The following CORIN variants were observed in gnomAD, a reference collection of about 807,000 sequenced individuals.
CORIN encodes corin, serine peptidase, also known as atrial natriuretic peptide-converting enzyme.
A neutral mutation model predicts 125.3 loss-of-function variants in CORIN; 117 were observed. That is an observed-to-expected ratio of 0.93 (90% CI 0.80 to 1.09). The LOEUF (loss-of-function observed/expected upper bound fraction) is 1.09, where lower values mean the gene tolerates loss of function less well. CORIN is among the 50% of genes least tolerant of loss of function. The probability of loss-of-function intolerance (pLI) is 0.00; values close to 1 mark genes in which losing one functional copy is unlikely to be tolerated. For synonymous variants in CORIN, 450 were observed against 466.4 expected (o/e 0.96, Z 0.45); for missense variants, 1,253 against 1,306.7 (o/e 0.96, Z 0.63).
chr4:47,754,846 A>T (rs1484409874), intron 4 of CORIN, among the ~76,000 whole-genome samples: 1 of 152,220 alleles, frequency 6.6e-6, no homozygotes, highest in Non-Finnish European at 1.5e-5. Flanking sequence ...TTAGGTGGCC[A>T]GTTGTTGCTA....
At chr4:47,627,625 G>T (rs532521299) in intron 16 of CORIN, among the ~76,000 whole-genome samples, 3 of 152,168 alleles carry the variant, frequency 2.0e-5, no homozygotes, top group African/African-American at 7.2e-5. Flanking sequence ...AATGAATCCG[G>T]CTCTCCATCA....
At chr4:47,661,687 G>A (rs1724254260) in intron 12 of CORIN, 24 bp downstream of exon 12, 1 of 1,590,474 alleles carries the variant, frequency 6.3e-7, no homozygotes, top group African/African-American at 1.3e-5. Flanking sequence ...TAGATACCCT[G>A]CTGTAATTAA....
intron 5 of CORIN, among the ~76,000 whole-genome samples, chr4:47,694,395 A>T (rs1205333470): frequency 2.0e-5 from 3 of 151,966 alleles, no homozygotes; most frequent in Non-Finnish European, 4.4e-5. Flanking sequence ...AGTTTCAGAT[A>T]AAAAAAAGTT....
At chr4:47,684,551 G>C (rs1725427379) in intron 6 of CORIN, among the ~76,000 whole-genome samples, 2 of 152,180 alleles carry the variant, frequency 1.3e-5, no homozygotes, top group Admixed American at 1.3e-4. Context: ...GTTATTGTTA[G>C]TTCAAGTCTA....
chr4:47,783,010 G>C (rs1383160754), intron 3 of CORIN, among the ~76,000 whole-genome samples: 1 of 151,890 alleles, frequency 6.6e-6, no homozygotes, highest in Non-Finnish European at 1.5e-5. Flanking sequence ...GGTTATCAAA[G>C]ATGTGATAAG....
intron 21 of CORIN, among the ~76,000 whole-genome samples, chr4:47,596,308 C>T (rs944388368): frequency 6.6e-6 from 1 of 151,964 alleles, no homozygotes; most frequent in South Asian, 2.1e-4. Flanking sequence ...AGATCCCCCC[C>T]ACACACAGTA....
In CORIN at chr4:47,680,230, T is replaced by C. The variant is rs1399284203; in HGVS notation, c.1043A>G (p.His348Arg). 7 of 1,613,824 alleles carry C rather than the reference T, an allele frequency of 4.3e-6. No homozygotes were observed. Among genetic ancestry groups the C allele is most frequent in the Non-Finnish European group, 5.9e-6 (7 of 1,179,786 alleles). Residue 348 changes from histidine to arginine, a missense_variant, in exon 8 of 22, where the codon CAT becomes CGT. His to Arg is a conservative substitution (Grantham distance 29). Coordinates refer to ENST00000273857, the MANE Select transcript of CORIN (RefSeq NM_006587.4). ...GATGCAGCGCCCGTCCCCGCAGCGATGCTCTGTTGTGGGATTGCAATCTGG... is the reference window on the plus strand; with the variant it reads ...GATGCAGCGCCCGTCCCCGCAGCGACGCTCTGTTGTGGGATTGCAATCTGG... ...QNCDCNPTTE[H>R]RCGDGRCIAM...
At chr4:47,834,097 A>T (rs958868572) in intron 1 of CORIN, among the ~76,000 whole-genome samples, 1 of 152,208 alleles carries the variant, frequency 6.6e-6, no homozygotes, top group African/African-American at 2.4e-5. Flanking sequence ...GTAACCAAAG[A>T]ATTTAAAATT....
rs141327758 is a variant in CORIN, at chr4:47,801,879, G to A, written c.208+5024C>T. Among the ~76,000 whole-genome samples the A allele has an allele frequency of 2.7e-4, 41 of 152,344 alleles. 3 individuals carry two copies. The East Asian group carries it at 7.5e-3, about 28-fold the overall frequency. On this transcript the variant is annotated intron_variant, in intron 2 of 21. Coordinates refer to ENST00000273857, the MANE Select transcript of CORIN (RefSeq NM_006587.4). Reference sequence around the variant, plus strand: ...CTAGTGCTGAGCTGGGTTCAGAGCCGGTGGACTGGGAGACACATGACCTAC... The same window carrying A: ...CTAGTGCTGAGCTGGGTTCAGAGCCAGTGGACTGGGAGACACATGACCTAC...
chr4:47,665,322 T>A (rs963708633), intron 10 of CORIN, 59 bp from the exon 11 acceptor site: 1 of 1,283,528 alleles, frequency 7.8e-7, no homozygotes, highest in Non-Finnish European at 1.1e-6. Flanking sequence ...ACAACTTCTT[T>A]AAGTTTTACA....
intron 4 of CORIN, among the ~76,000 whole-genome samples, chr4:47,762,063 C>G (rs1184885997): frequency 6.6e-6 from 1 of 151,808 alleles, no homozygotes; most frequent in South Asian, 2.1e-4. Context: ...CATATATGCA[C>G]ACATACATAT....
chr4:47,794,972 TATAAG>T, intron 2 of CORIN, among the ~76,000 whole-genome samples: 1 of 152,298 alleles, frequency 6.6e-6, no homozygotes, highest in South Asian at 2.1e-4. Flanking sequence ...GGTATGATGG[TATAAG>T]ATAAGGGTCC....
chr4:47,822,479 T>C (rs999709038), intron 1 of CORIN, among the ~76,000 whole-genome samples: 3 of 152,214 alleles, frequency 2.0e-5, no homozygotes, highest in Non-Finnish European at 4.4e-5. Context: ...AGGATCTAAT[T>C]TAGAATCACA....
chr4:47,706,677 C>G, intron 5 of CORIN: 2 of 1,609,430 alleles, frequency 1.2e-6, no homozygotes, highest in South Asian at 1.1e-5. Context: ...CAGTCCGTTG[C>G]GGAGGAGCGA....
Position 47,763,455 on chromosome 4 carries a change from G to A in CORIN, c.541C>T (p.Leu181Phe). ...FLKFFTYLHR[L>F]SCYQHIMLFG... ...AGCATGATATGTTGATAGCAACTGA[G>A]GCGATGGAGATATGTGAAAAACTTG... Residue 181 changes from leucine to phenylalanine, a missense_variant, in exon 4 of 22, where the codon CTC becomes TTC. Physicochemically the swap from Leu to Phe is conservative, Grantham distance 22. Coordinates refer to ENST00000273857, the MANE Select transcript of CORIN (RefSeq NM_006587.4). The A allele has an allele frequency of 6.2e-7, 1 of 1,614,104 alleles. No homozygotes were observed.
intron 1 of CORIN, among the ~76,000 whole-genome samples, chr4:47,811,344 C>T (rs1259747902): frequency 2.6e-5 from 4 of 152,082 alleles, no homozygotes; most frequent in African/African-American, 7.2e-5. Flanking sequence ...TTAGGGTGTA[C>T]GAGGTTTTGA....
At chr4:47,651,964 T>A (rs184495123) in intron 13 of CORIN, among the ~76,000 whole-genome samples, 37 of 152,300 alleles carry the variant, frequency 2.4e-4, no homozygotes, top group Non-Finnish European at 5.0e-4. Flanking sequence ...TACAACAAAT[T>A]TAGGTCTAGC....
At chr4:47,698,588 T>C (rs1004557157) in intron 5 of CORIN, among the ~76,000 whole-genome samples, 4 of 152,008 alleles carry the variant, frequency 2.6e-5, no homozygotes, top group Admixed American at 1.3e-4. Context: ...TGGTTTTCGG[T>C]AAAGAGTGGC....
chr4:47,782,061 C>T (rs1408897182), intron 3 of CORIN, among the ~76,000 whole-genome samples: 5 of 151,592 alleles, frequency 3.3e-5, no homozygotes, highest in Non-Finnish European at 5.9e-5. Context: ...AATGACAGAC[C>T]GTCAAAATGT....
Sources: gnomAD v4.1 joint callset for allele counts (sites outside exome capture counted in the v4.1 genomes callset) on GRCh38, gnomAD v4.1.1 for gene constraint, MANE v1.5 for transcripts, NCBI Gene and HGNC (gene_info 2026-07-23, HGNC 2026-07-21) for gene names.